HEATR5B: variants seen among roughly 807,000 people sequenced by gnomAD.
The protein encoded by HEATR5B is HEAT repeat-containing protein 5B.
A neutral mutation model predicts 224.1 loss-of-function variants in HEATR5B; 156 were observed. That is an observed-to-expected ratio of 0.70 (90% CI 0.61 to 0.80). HEATR5B has a LOEUF of 0.80. Among genes scored for constraint, HEATR5B ranks in the 30% least tolerant of loss-of-function variants. HEATR5B has a pLI of 0.00. For missense variants in HEATR5B, 2,323 were observed against 2,535.5 expected, an observed-to-expected ratio of 0.92 and a Z score of 1.80; for synonymous variants, 1,027 against 893.0, an observed-to-expected ratio of 1.15 and a Z score of -2.68.
At chr2:37,019,299 C>T (rs1431038596) in intron 26 of HEATR5B, among the ~76,000 whole-genome samples, 2 of 151,880 alleles carry the variant, frequency 1.3e-5, no homozygotes, top group African/African-American at 4.8e-5. Flanking sequence ...GATTTAATAC[C>T]CACAAAGTAG....
At chr2:37,005,263 C>G (rs1388114293) in intron 30 of HEATR5B, among the ~76,000 whole-genome samples, 2 of 152,148 alleles carry the variant, frequency 1.3e-5, no homozygotes, top group African/African-American at 4.8e-5. Flanking sequence ...CTCACTAATT[C>G]CTCTTGAAGA....
chr2:36,989,781 G>A (rs1666195680), intron 34 of HEATR5B, among the ~76,000 whole-genome samples: 1 of 151,994 alleles, frequency 6.6e-6, no homozygotes, highest in Non-Finnish European at 1.5e-5. Context: ...GAACACAAGT[G>A]GCTAAATATG....
intron 19 of HEATR5B, 135 bp downstream of exon 19, chr2:37,040,998 C>CT: frequency 1.5e-6 from 1 of 650,780 alleles, no homozygotes; most frequent in Non-Finnish European, 2.6e-6. Context: ...CAAAATCTTG[C>CT]TATGTACTAT....
intron 14 of HEATR5B, among the ~76,000 whole-genome samples, chr2:37,058,103 G>A (rs947779502): frequency 1.3e-5 from 2 of 152,142 alleles, no homozygotes; most frequent in Admixed American, 1.3e-4. Flanking sequence ...TGCACACTTT[G>A]AAGATAAACC....
intron 25 of HEATR5B, 123 bp downstream of exon 25, chr2:37,020,532 G>C: frequency 1.7e-6 from 1 of 585,582 alleles, no homozygotes; most frequent in Non-Finnish European, 2.9e-6. Context: ...TGGAGATAAA[G>C]AGATGCATTC....
intron 30 of HEATR5B, among the ~76,000 whole-genome samples, chr2:37,004,811 C>T (rs987959432): frequency 2.6e-5 from 4 of 152,222 alleles, no homozygotes; most frequent in Non-Finnish European, 5.9e-5. Flanking sequence ...TATTTATCCT[C>T]AAGCTTCCAA....
chr2:36,996,479 C>T (rs1197987487), intron 33 of HEATR5B, among the ~76,000 whole-genome samples: 5 of 149,568 alleles, frequency 3.3e-5, no homozygotes, highest in African/African-American at 7.4e-5. Context: ...GGCAATGGTG[C>T]GATCTCAGCT....
chr2:37,058,324 A>C, intron 14 of HEATR5B, 127 bp downstream of exon 14: 1 of 620,678 alleles, frequency 1.6e-6, no homozygotes, highest in East Asian at 2.8e-5. Context: ...ACTCTACATG[A>C]AGAAAAATAA....
rs1671484446 is a variant in HEATR5B, at chr2:37,064,724, A to C, written c.1584+16T>G. 2 of 1,612,476 alleles carry C rather than the reference A, an allele frequency of 1.2e-6. No homozygotes were observed. The highest frequency in any genetic ancestry group is 1.7e-5 in the Admixed American group (1 of 59,950). On this transcript the variant is annotated intron_variant, in intron 10 of 35. Transcript: ENST00000233099. ...CCCACGTGACAGCATTCCCAAGTCT[A>C]GGATCTCCGTCATACCTTTCCTTTG...
chr2:36,998,242 A>G (rs1572760871), intron 33 of HEATR5B, among the ~76,000 whole-genome samples: 2 of 152,348 alleles, frequency 1.3e-5, no homozygotes, highest in Middle Eastern at 6.8e-3. Flanking sequence ...TAAAAAGTCA[A>G]TCAGAAGAAA....
intron 3 of HEATR5B, 32 bp from the exon 4 acceptor site, chr2:37,077,051 T>A: frequency 6.8e-7 from 1 of 1,472,112 alleles, no homozygotes; most frequent in East Asian, 2.3e-5. Context: ...CTAGTCATTG[T>A]CCAGGTTAAT....
At chr2:37,053,442 G>T in intron 17 of HEATR5B, 60 bp downstream of exon 17, 4 of 867,400 alleles carry the variant, frequency 4.6e-6, no homozygotes, top group Non-Finnish European at 7.2e-6. Flanking sequence ...GCTATGTCTG[G>T]CTTATTAAAT....
intron 18 of HEATR5B, among the ~76,000 whole-genome samples, chr2:37,042,007 G>T (rs900270659): frequency 1.3e-5 from 2 of 151,766 alleles, no homozygotes; most frequent in African/African-American, 2.4e-5. Context: ...CTATAATTAT[G>T]ATTTGAACCT....
intron 18 of HEATR5B, among the ~76,000 whole-genome samples, chr2:37,047,473 C>T (rs1263095420): frequency 6.6e-6 from 1 of 152,184 alleles, no homozygotes; most frequent in Non-Finnish European, 1.5e-5. Context: ...TCAATGTTCA[C>T]AGTGATAATC....
intron 9 of HEATR5B, 75 bp downstream of exon 9, chr2:37,065,680 C>T: frequency 8.0e-7 from 1 of 1,254,254 alleles, no homozygotes; most frequent in Non-Finnish European, 1.1e-6. Context: ...AGCAACTAAT[C>T]AGGAATTAAA....
chr2:37,078,813 T>G (rs1672381776), intron 3 of HEATR5B, among the ~76,000 whole-genome samples: 1 of 152,220 alleles, frequency 6.6e-6, no homozygotes, highest in Non-Finnish European at 1.5e-5. Flanking sequence ...TAGGTAACTT[T>G]ACTCATATCA....
chr2:37,071,719 C>G (rs1671920542), intron 6 of HEATR5B, among the ~76,000 whole-genome samples: 1 of 149,280 alleles, frequency 6.7e-6, no homozygotes, highest in South Asian at 2.1e-4. Flanking sequence ...GAGTCTTGCT[C>G]TGTCGCCCAG....
intron 28 of HEATR5B, chr2:37,008,181 C>T (rs2160411): frequency 0.34 from 56,290 of 165,158 alleles, 9,985 homozygotes; most frequent in East Asian, 0.54. Flanking sequence ...AAAATGTTGA[C>T]GATTTCTACA....
chr2:36,995,283 T>C (rs1572753409), intron 33 of HEATR5B, among the ~76,000 whole-genome samples: 1 of 151,568 alleles, frequency 6.6e-6, no homozygotes, highest in Admixed American at 6.6e-5. Context: ...TAGAGACGGG[T>C]TTTCACCATA....
Sources: gnomAD v4.1 joint callset for allele counts (sites outside exome capture counted in the v4.1 genomes callset) on GRCh38, gnomAD v4.1.1 for gene constraint, MANE v1.5 for transcripts, NCBI Gene and HGNC (gene_info 2026-07-23, HGNC 2026-07-21) for gene names.